Variants in DOK7 observed in about 807,000 individuals in gnomAD.
The protein encoded by DOK7 is docking protein 7.
A neutral mutation model predicts 30.7 loss-of-function variants in DOK7; 32 were observed. That is an observed-to-expected ratio of 1.04 (90% confidence interval 0.79 to 1.40). The LOEUF (loss-of-function observed/expected upper bound fraction) is 1.40, where lower values mean the gene tolerates loss of function less well. DOK7 is among the 40% of genes most tolerant of loss of function. The pLI, the probability that DOK7 is intolerant of heterozygous loss-of-function variation, is 0.00. For missense variants in DOK7, 1,007 were observed against 699.2 expected (o/e 1.44, Z -4.97); for synonymous variants, 447 against 324.1 (o/e 1.38, Z -4.07).
chr4:3,483,666 C>T (rs905869654), intron 4 of DOK7, among the ~76,000 whole-genome samples: 5 of 152,190 alleles, frequency 3.3e-5, no homozygotes, highest in South Asian at 4.1e-4. Context: ...TTTTTATAGT[C>T]GGGGGACTCA....
chr4:3,473,551 C>A lies in DOK7; in HGVS notation c.246C>A (p.Cys82Ter). ...EGLVHTLAIV[C>*]LSQAIMLGFD... is the part of the protein sequence containing the mutation. ...TGGTCCACACGCTGGCCATTGTCTG[C>A]CTGTCCCAGGCCATCATGCTGGGCT... Residue 82 changes from cysteine (C) to a stop codon, truncating the protein, a stop_gained, in exon 3 of 7, where the codon TGC becomes TGA. Transcript: ENST00000340083. LOFTEE classifies it high-confidence loss of function. 6.2e-7 allele frequency: 1 copy of A among 1,610,858 alleles called. No homozygotes were observed. The highest frequency in any genetic ancestry group is 1.1e-5 in the South Asian group (1 of 90,982).
Position 3,469,035 on chromosome 4 carries a change from T to C in DOK7, c.101-4371T>C, listed in dbSNP as rs1466827444. ...ATGAGTGTGTGTGCCTGTGTATGTG[T>C]ATGAGTGTGCATGTCTGTGTGTGCA... On this transcript the variant is annotated intron_variant, in intron 2 of 6. Coordinates refer to ENST00000340083, the MANE Select transcript of DOK7 (RefSeq NM_173660.5). 3.3e-5 allele frequency among the ~76,000 whole-genome samples: 5 copies of C among 149,712 alleles called. No homozygotes were observed. In the East Asian group the frequency reaches 7.8e-4, roughly 23 times the overall value.
chr4:3,474,531 A>G (rs1022762829), intron 3 of DOK7, among the ~76,000 whole-genome samples: 10 of 152,170 alleles, frequency 6.6e-5, no homozygotes, highest in African/African-American at 2.4e-4. Flanking sequence ...CTAAAAATAC[A>G]AAAATGATGG....
At position 3,493,835 on chromosome 4, in the gene DOK7, A is replaced by C. The variant is rs377079102; in HGVS notation, c.*334A>C. 2.5e-6 allele frequency: 3 copies of C among 1,206,434 alleles called. No individual in the cohort carries two copies. The African/African-American group carries it at 4.8e-5, about 19-fold the overall frequency. 74.7% of individuals were successfully genotyped at this position (1,206,434 alleles called of 1,614,324 possible). A position where few individuals can be genotyped will look rare whatever the true frequency, so the allele number is the denominator to read the frequency against. On this transcript the variant is annotated 3_prime_UTR_variant, in exon 7 of 7. Transcript: ENST00000340083. The stretch of plus-strand genomic sequence containing the variant: ...GGCTCGTGCCTTGCACTGGGGTGCC[A>C]AGGGCTGGAGGCCCTGCCGCTGGCC...
intron 6 of DOK7, among the ~76,000 whole-genome samples, chr4:3,490,435 CCTTCATTT>C (rs1360602064): frequency 2.6e-5 from 3 of 116,860 alleles, no homozygotes; most frequent in African/African-American, 1.1e-4. Context: ...CTCATTCATT[CCTTCATTT>C]CTCTCCTGCT....
intron 2 of DOK7, among the ~76,000 whole-genome samples, chr4:3,468,907 G>C (rs201442808): frequency 1.9e-5 from 2 of 107,788 alleles, no homozygotes; most frequent in South Asian, 9.1e-4. Flanking sequence ...GTGCATGTCT[G>C]TGTGTGTATG....
chr4:3,464,970 T>C (rs1726188703), intron 2 of DOK7, among the ~76,000 whole-genome samples: 1 of 152,078 alleles, frequency 6.6e-6, no homozygotes, highest in Admixed American at 6.5e-5. Context: ...CCTGCGCAGT[T>C]GAGATCTGCA....
At position 3,475,298 on chromosome 4, in the gene DOK7, C is replaced by G. The variant is rs147951123; in HGVS notation, c.332-1044C>G. 3.0e-3 allele frequency among the ~76,000 whole-genome samples: 443 copies of G among 149,438 alleles called. 4 individuals are homozygous for G. Among genetic ancestry groups the G allele is most frequent in the Middle Eastern group, 3.4e-3 (1 of 294 alleles). On this transcript the variant is annotated intron_variant, in intron 3 of 6. Coordinates refer to ENST00000340083, the MANE Select transcript of DOK7 (RefSeq NM_173660.5). ...ATGGCACAGAGGCCGCTGGGCACCG[C>G]CCAGGCAGCTTCATCTTGATAGAAC...
chr4:3,493,656 G>T lies in DOK7; in HGVS notation c.*155G>T. 2.1e-6 allele frequency: 3 copies of T among 1,457,286 alleles called. No individual in the cohort carries two copies. The highest frequency in any genetic ancestry group is 1.5e-5 in the South Asian group (1 of 68,572). The allele number at this position is 1,457,286 out of a possible 1,614,324, so 90.3% of individuals were successfully genotyped here. ...GGGGAGCTGGAGGGCGCGCCCTGTG[G>T]CTGCCACCGGAGGAAGGGGCTGACT... On this transcript the variant is annotated 3_prime_UTR_variant, in exon 7 of 7. Coordinates refer to ENST00000340083, the MANE Select transcript of DOK7 (RefSeq NM_173660.5).
chr4:3,492,174 C>T (rs1001513485), intron 6 of DOK7, among the ~76,000 whole-genome samples: 2 of 152,132 alleles, frequency 1.3e-5, no homozygotes, highest in Non-Finnish European at 2.9e-5. Context: ...CGGGAGGCAG[C>T]CTGGGATCTG....
rs759824901 is a variant in DOK7 at position 3,489,783 on chromosome 4, G to A, written c.759G>A (p.Arg253=). ...TGAGCCTCCTCTCACATGCGGGCAGGCCGGGCAGTGGAGGTAGGGCCGGGG... is the reference window on the plus strand; with the variant it reads ...TGAGCCTCCTCTCACATGCGGGCAGACCGGGCAGTGGAGGTAGGGCCGGGG... ...KRLSLLSHAG[R]PGSGGDDRSL... is the part of the protein sequence containing the mutation. The change falls in exon 6 of 7, where the codon AGG becomes AGA. Residue 253 remains arginine (R), a synonymous_variant. Coordinates refer to ENST00000340083, the MANE Select transcript of DOK7 (RefSeq NM_173660.5). 1.9e-6 allele frequency: 3 copies of A among 1,573,918 alleles called. No homozygotes were observed. The Admixed American group carries it at 5.5e-5, about 29-fold the overall frequency.
At chr4:3,489,452 G>A (rs1267737770) in intron 5 of DOK7, among the ~76,000 whole-genome samples, 6 of 152,194 alleles carry the variant, frequency 3.9e-5, no homozygotes, top group South Asian at 2.1e-4. Flanking sequence ...GGCCATCCAC[G>A]GGCACAGGGA....
chr4:3,484,702 TGGATGCTGGCCCCA>T (rs2109366558), intron 4 of DOK7: 1 of 984,908 alleles, frequency 1.0e-6, no homozygotes, highest in Non-Finnish European at 1.2e-6. Flanking sequence ...GGTGCAGGGG[TGGATGCTGGCCCCA>T]GGATGCTGCA....
intron 6 of DOK7, 37 bp from the exon 7 acceptor site, chr4:3,492,721 TA>T (rs1728562820): frequency 6.9e-6 from 11 of 1,588,348 alleles, no homozygotes; most frequent in Non-Finnish European, 9.4e-6. Context: ...CAGACCCCTG[TA>T]CCCCCACAAC....
At chr4:3,470,014 G>A (rs1454645236) in intron 2 of DOK7, among the ~76,000 whole-genome samples, 1 of 152,152 alleles carries the variant, frequency 6.6e-6, no homozygotes, top group Non-Finnish European at 1.5e-5. Context: ...ACCACAGCTG[G>A]GCCTTCAAAC....
At position 3,493,577 on chromosome 4, in the gene DOK7, C is replaced by T. The variant is rs969068594; in HGVS notation, c.*76C>T. ...ATGGCAGAGGAAGTGGCGCCAGCCT[C>T]CTTGCAGACTGGTGCTCTGTGTTCT... On this transcript the variant is annotated 3_prime_UTR_variant, in exon 7 of 7. Transcript: ENST00000340083. The T allele has an allele frequency of 6.4e-7, 1 of 1,562,830 alleles. No homozygotes were observed. The highest frequency in any genetic ancestry group is 1.9e-5 in the Admixed American group (1 of 53,534).
chr4:3,467,666 G>C (rs910981821), intron 2 of DOK7, among the ~76,000 whole-genome samples: 1 of 152,194 alleles, frequency 6.6e-6, no homozygotes, highest in Non-Finnish European at 1.5e-5. Flanking sequence ...AAGAGTGAAT[G>C]TGTGAGTGTG....
intron 2 of DOK7, among the ~76,000 whole-genome samples, chr4:3,465,792 G>T (rs10022329): frequency 0.21 from 32,109 of 152,242 alleles, 4,832 homozygotes; most frequent in African/African-American, 0.43. Flanking sequence ...CCTCACTGCG[G>T]AATGCGTGTC....
At chr4:3,487,737 C>T (rs547365090) in intron 5 of DOK7, among the ~76,000 whole-genome samples, 9 of 152,238 alleles carry the variant, frequency 5.9e-5, no homozygotes, top group Admixed American at 2.6e-4. Flanking sequence ...AGTTACTGGA[C>T]GGGAAATGGT....
Sources: gnomAD v4.1 joint callset for allele counts (sites outside exome capture counted in the v4.1 genomes callset) on GRCh38, gnomAD v4.1.1 for gene constraint, MANE v1.5 for transcripts, NCBI Gene and HGNC (gene_info 2026-07-23, HGNC 2026-07-21) for gene names.